TJP1: variants seen among roughly 807,000 people sequenced by gnomAD.
TJP1 encodes tight junction protein 1, also known as tight junction protein ZO-1.
Under a neutral mutation model 194.2 loss-of-function variants are expected in TJP1, and 43 were observed. The ratio of observed to expected loss-of-function variants is 0.22; its 90% CI spans 0.17 to 0.29. The LOEUF (loss-of-function observed/expected upper bound fraction) is 0.29, where lower values mean the gene tolerates loss of function less well. Ranked by LOEUF, TJP1 falls within the 10% of genes least tolerant of loss-of-function variation. The pLI is 1.00. For synonymous variants in TJP1, 801 were observed against 779.0 expected, an observed-to-expected ratio of 1.03 and a Z score of -0.47; for missense variants, 1,971 against 2,185.7, an observed-to-expected ratio of 0.90 and a Z score of 1.96.
chr15:29,918,814 TAAA>T (rs930698274), intron 2 of TJP1, among the ~76,000 whole-genome samples: 1 of 151,442 alleles, frequency 6.6e-6, no homozygotes, highest in African/African-American at 2.4e-5. Flanking sequence ...GCAAATAGCG[TAAA>T]AAGAGAGATC....
rs769373681 is a variant in TJP1, at chr15:29,704,283, C to T, written c.5091G>A (p.Leu1697=). The stretch of plus-strand genomic sequence containing the variant: ...TGAGGCCATGGGGACCACACATCAC[C>T]AAAGGACTCAGCAGTGTTTCACCTG... The part of the protein sequence containing the change: ...KEKGETLLSP[L]VMCGPHGLKF... The change falls in exon 27 of 28, where the codon TTG becomes TTA. Residue 1697 remains leucine, a synonymous_variant. Coordinates refer to ENST00000614355, the MANE Select transcript of TJP1 (RefSeq NM_001330239.4). 2 of 1,597,648 alleles carry T rather than the reference C, an allele frequency of 1.3e-6. No individual in the cohort carries two copies. The highest frequency in any genetic ancestry group is 2.2e-5 in the East Asian group (1 of 44,490).
intron 2 of TJP1, among the ~76,000 whole-genome samples, chr15:29,860,522 A>G (rs2052036857): frequency 6.6e-6 from 1 of 152,332 alleles, no homozygotes; most frequent in Admixed American, 6.5e-5. Flanking sequence ...GGAATGATAC[A>G]ATATGTGGCC....
intron 8 of TJP1, chr15:29,758,860 A>C (rs1022679065): frequency 6.6e-6 from 1 of 152,242 alleles, no homozygotes; most frequent in African/African-American, 2.4e-5. Flanking sequence ...CCTTTAAAAA[A>C]TCATTACATC....
At chr15:29,735,661 G>A (rs1240482978) in intron 11 of TJP1, among the ~76,000 whole-genome samples, 1 of 151,762 alleles carries the variant, frequency 6.6e-6, no homozygotes, top group Non-Finnish European at 1.5e-5. Context: ...AGGGTTAAGA[G>A]ATGGGTAAGA....
At chr15:29,868,797 T>C (rs948229975) in intron 2 of TJP1, among the ~76,000 whole-genome samples, 1 of 152,088 alleles carries the variant, frequency 6.6e-6, no homozygotes, top group African/African-American at 2.4e-5. Flanking sequence ...TGCAAAACTT[T>C]GAAAAGAAAG....
intron 5 of TJP1, among the ~76,000 whole-genome samples, chr15:29,762,781 T>A (rs1372065178): frequency 6.6e-6 from 1 of 152,128 alleles, no homozygotes; most frequent in Non-Finnish European, 1.5e-5. Flanking sequence ...CAATTTTCTT[T>A]AAGAGACAGG....
At chr15:29,823,510 A>C (rs917376938), upstream of TJP1, 2 of 152,258 alleles carry the variant, frequency 1.3e-5, no homozygotes, top group African/African-American at 4.8e-5. Flanking sequence ...AAGAAATGGA[A>C]GAAATCATAA....
intron 2 of TJP1, among the ~76,000 whole-genome samples, chr15:29,889,878 G>A (rs1405465735): frequency 6.6e-6 from 1 of 152,142 alleles, no homozygotes; most frequent in Non-Finnish European, 1.5e-5. Flanking sequence ...CTAAGTCTTT[G>A]GTAAACGACT....
intron 2 of TJP1, among the ~76,000 whole-genome samples, chr15:29,783,351 AT>A (rs1162468796): frequency 6.6e-6 from 1 of 152,178 alleles, no homozygotes; most frequent in African/African-American, 2.4e-5. Flanking sequence ...TCAAAAAAAA[AT>A]AACAGATGCT....
chr15:29,786,053 CCAAA>C (rs1236815556), intron 2 of TJP1, among the ~76,000 whole-genome samples: 2 of 152,182 alleles, frequency 1.3e-5, no homozygotes, highest in East Asian at 1.9e-4. Flanking sequence ...AGTGGTAAGC[CCAAA>C]CAGATTAGAA....
intron 2 of TJP1, among the ~76,000 whole-genome samples, chr15:29,791,885 T>G (rs1423423856): frequency 6.6e-6 from 1 of 152,214 alleles, no homozygotes; most frequent in African/African-American, 2.4e-5. Context: ...GACCATTTTT[T>G]CATATACCTG....
chr15:29,821,989 CG>C lies in TJP1; in HGVS notation c.27+12del. On this transcript the variant is annotated intron_variant, in intron 1 of 27. Transcript: ENST00000614355. ...CGGCCCGGTCTGGCCCTGGCGGCCG[CG>C]GAGGCGCTCACCTTGGCGGCCGCAG... 1.5e-6 allele frequency: 2 copies of C among 1,315,272 alleles called. No individual in the cohort carries two copies. Among genetic ancestry groups the C allele is most frequent in the Non-Finnish European group, 9.7e-7 (1 of 1,031,388 alleles). The allele number at this position is 1,315,272 out of a possible 1,614,324, so 81.5% of individuals were successfully genotyped here.
intron 1 of TJP1, chr15:29,821,506 T>G (rs1034923607): frequency 6.6e-6 from 1 of 152,242 alleles, no homozygotes; most frequent in Non-Finnish European, 1.5e-5. Flanking sequence ...GCCTTATCGC[T>G]GGCGTGCGCA....
intron 8 of TJP1, among the ~76,000 whole-genome samples, chr15:29,753,708 G>A (rs2045450129): frequency 6.6e-6 from 1 of 151,242 alleles, no homozygotes; most frequent in Admixed American, 6.6e-5. Context: ...TAAGGTACAG[G>A]AGCCATGGGA....
intron 17 of TJP1, 123 bp downstream of exon 17, chr15:29,726,658 C>G (rs1595649691): frequency 1.7e-6 from 2 of 1,167,786 alleles, no homozygotes; most frequent in Non-Finnish European, 1.2e-6. Flanking sequence ...GGTGTTAACA[C>G]AACAGGAAGC....
At chr15:29,783,835 A>G (rs1223313950) in intron 2 of TJP1, among the ~76,000 whole-genome samples, 1 of 152,196 alleles carries the variant, frequency 6.6e-6, no homozygotes, top group African/African-American at 2.4e-5. Context: ...AGGAGCAGAG[A>G]AAGTAACTAT....
chr15:29,862,963 T>A (rs1362123771), intron 2 of TJP1, among the ~76,000 whole-genome samples: 1 of 151,512 alleles, frequency 6.6e-6, no homozygotes, highest in Non-Finnish European at 1.5e-5. Context: ...TCGGTTTTTA[T>A]AACAAGGCAA....
intron 2 of TJP1, among the ~76,000 whole-genome samples, chr15:29,943,155 G>A (rs988635056): frequency 5.9e-5 from 9 of 152,240 alleles, no homozygotes; most frequent in African/African-American, 2.2e-4. Context: ...GATTTTATAT[G>A]TGTAAGAGAG....
intron 2 of TJP1, among the ~76,000 whole-genome samples, chr15:29,838,072 A>G (rs2051096390): frequency 6.6e-6 from 1 of 152,230 alleles, no homozygotes; most frequent in South Asian, 2.1e-4. Context: ...CACATAGGCT[A>G]CACATATATA....
Sources: gnomAD v4.1 joint callset for allele counts (sites outside exome capture counted in the v4.1 genomes callset) on GRCh38, gnomAD v4.1.1 for gene constraint, MANE v1.5 for transcripts, NCBI Gene and HGNC (gene_info 2026-07-23, HGNC 2026-07-21) for gene names.